The following GBP1 variants were observed in gnomAD, a reference collection of about 807,000 sequenced individuals.
The protein encoded by GBP1 is guanylate binding protein 1.
Under a neutral mutation model 69.5 loss-of-function variants are expected in GBP1, and 64 were observed. The ratio of observed to expected loss-of-function variants is 0.92; its 90% CI spans 0.75 to 1.13. GBP1 has a LOEUF of 1.13. Ranked by LOEUF, GBP1 falls within the 50% of genes most tolerant of loss-of-function variation. The probability of loss-of-function intolerance (pLI) is 0.00; values close to 1 mark genes in which losing one functional copy is unlikely to be tolerated. For synonymous variants in GBP1, 250 were observed against 261.2 expected, an observed-to-expected ratio of 0.96 and a Z score of 0.41; for missense variants, 630 against 704.1, an observed-to-expected ratio of 0.89 and a Z score of 1.19.
At chr1:89,059,543 T>C (rs1038027966) in intron 3 of GBP1, 117 bp from the exon 4 acceptor site, 227 of 1,042,962 alleles carry the variant, frequency 2.2e-4, no homozygotes, top group Non-Finnish European at 2.5e-4. Flanking sequence ...TTTCTTTTTT[T>C]TTTTTTTTTT....
intron 1 of GBP1, 146 bp downstream of exon 1, chr1:89,065,014 G>T (rs1680300002): frequency 6.6e-6 from 1 of 152,130 alleles, no homozygotes; most frequent in Admixed American, 6.5e-5. Context: ...AGCCTAATTT[G>T]GTTCTGATGA....
rs1199835999 is a variant in GBP1, at chr1:89,053,527, T to C, written c.1666-59A>G. 2.5e-6 allele frequency: 4 copies of C among 1,571,072 alleles called. No individual in the cohort carries two copies. In the African/African-American group the frequency reaches 5.5e-5, roughly 22 times the overall value. On this transcript the variant is annotated intron_variant, in intron 10 of 10. Coordinates refer to ENST00000370473, the MANE Select transcript of GBP1 (RefSeq NM_002053.3). ...TAGCATCAGGCAAATTGAAACATTCTATCTGGTTTCCACATTAAATGATTT... is the reference window on the plus strand; with the variant it reads ...TAGCATCAGGCAAATTGAAACATTCCATCTGGTTTCCACATTAAATGATTT...
Position 89,056,023 on chromosome 1 carries a change from C to A in GBP1, c.1361G>T (p.Gly454Val), listed in dbSNP as rs1680034430. The change falls in exon 8 of 11, where the codon GGG (glycine) becomes GTG (valine). Residue 454 changes from glycine to valine, a missense_variant. This residue lies in a region of GBP1 where 367 missense variants were observed against 369.5 expected (regional missense o/e 0.99). Transcript: ENST00000370473. ...CAGATAAATCTTGGTTACCTGTATC[C>A]CCTTCCTCGGTTCCTCATAGTACTT... is the stretch of plus-strand genomic sequence containing the variant. ...KKKYYEEPRK[G>V]IQAEEILQTY... 1.2e-6 allele frequency: 2 copies of A among 1,613,886 alleles called. No individual in the cohort carries two copies. The highest frequency in any genetic ancestry group is 2.7e-5 in the African/African-American group (2 of 75,004).
At chr1:89,056,636 A>G (rs1311829024) in intron 7 of GBP1, among the ~76,000 whole-genome samples, 1 of 152,206 alleles carries the variant, frequency 6.6e-6, no homozygotes, top group African/African-American at 2.4e-5. Context: ...AGTTGTATGC[A>G]TAAGTAAAGG....
At position 89,056,139 on chromosome 1, in the gene GBP1, G is replaced by T. The variant is rs1680037966; in HGVS notation, c.1245C>A (p.Phe415Leu). 6.2e-7 allele frequency: 1 copy of T among 1,613,834 alleles called. No individual in the cohort carries two copies. Among genetic ancestry groups the T allele is most frequent in the South Asian group, 1.1e-5 (1 of 91,082 alleles). Reference protein sequence around the residue: ...DRCSALLQVIFSPLEEEVKAG... With the variant: ...DRCSALLQVILSPLEEEVKAG... ...CCTTCACTTCTTCTTCTAGAGGACT[G>T]AAAATGACCTGAAGTAAAGCTGAGC... The change falls in exon 8 of 11, where the codon TTC (phenylalanine) becomes TTA (leucine). Residue 415 changes from phenylalanine (F) to leucine (L), a missense_variant. By Grantham distance (22) the Phe-to-Leu change is conservative. Around this residue, in one of 5 missense-constraint regions of GBP1, gnomAD observed 367 missense variants for 369.5 expected, o/e 0.99. Transcript: ENST00000370473.
chr1:89,062,915 C>A lies in GBP1; in HGVS notation c.190+130G>T, dbSNP rs1356798676. 3.7e-6 allele frequency: 4 copies of A among 1,092,244 alleles called. No individual in the cohort carries two copies. In the African/African-American group the frequency reaches 6.2e-5, roughly 17 times the overall value. The allele number at this position is 1,092,244 out of a possible 1,614,324, so 67.7% of individuals were successfully genotyped here. On this transcript the variant is annotated intron_variant, in intron 2 of 10. Transcript: ENST00000370473. ...CCTAGAACAGCGTGAAGATAAGGAG[C>A]CCGACTGTGAATGGAAAGTTAGCTT... is the stretch of plus-strand genomic sequence containing the variant.
rs750533336 is a variant in GBP1 at position 89,058,143 on chromosome 1, G to A, written c.723C>T (p.Pro241=). The A allele has an allele frequency of 2.0e-5, 33 of 1,613,888 alleles. No individual in the cohort carries two copies. The highest frequency in any genetic ancestry group is 2.6e-5 in the Non-Finnish European group (31 of 1,179,954). ...GCTGGGCAAGCTTCCTGCGGTGAAC[G>A]GGCCGATCAAAGACAAAGCATTTTT... The part of the protein sequence containing the change: ...PKKKCFVFDR[P]VHRRKLAQLE... Residue 241 remains proline (P), a synonymous_variant, in exon 6 of 11, where the codon CCC becomes CCT. Transcript: ENST00000370473.
At chr1:89,056,390 T>G (rs1680046621) in intron 7 of GBP1, among the ~76,000 whole-genome samples, 162 bp from the exon 8 acceptor site, 1 of 152,230 alleles carries the variant, frequency 6.6e-6, no homozygotes, top group Admixed American at 6.5e-5. Context: ...CACTTTCTGC[T>G]GAAGTCGCTT....
Position 89,062,272 on chromosome 1 carries a change from T to C in GBP1, c.190+773A>G, listed in dbSNP as rs533669437. Among the ~76,000 whole-genome samples the C allele has an allele frequency of 2.0e-5, 3 of 152,336 alleles. No homozygotes were observed. The South Asian group carries it at 6.2e-4, about 32-fold the overall frequency. On this transcript the variant is annotated intron_variant, in intron 2 of 10. Coordinates refer to ENST00000370473, the MANE Select transcript of GBP1 (RefSeq NM_002053.3). ...AAGGTGGAAGAAATCCAAGTGTCCATTGACAGATGAAGAGATAAACAAATT... is the reference window on the plus strand; with the variant it reads ...AAGGTGGAAGAAATCCAAGTGTCCACTGACAGATGAAGAGATAAACAAATT...
chr1:89,063,297 G>A, intron 1 of GBP1, 44 bp from the exon 2 acceptor site: 1 of 1,552,874 alleles, frequency 6.4e-7, no homozygotes, highest in South Asian at 1.2e-5. Flanking sequence ...CTAGTGTTTT[G>A]CAATTATAAG....
chr1:89,056,032 G>T lies in GBP1; in HGVS notation c.1352C>A (p.Pro451Gln). The T allele has an allele frequency of 6.2e-7, 1 of 1,613,800 alleles. No individual in the cohort carries two copies. Among genetic ancestry groups the T allele is most frequent in the South Asian group, 1.1e-5 (1 of 91,056 alleles). The stretch of plus-strand genomic sequence containing the variant: ...CTTGGTTACCTGTATCCCCTTCCTC[G>T]GTTCCTCATAGTACTTTTTCTTCAG... ...QDLKKKYYEE[P>Q]RKGIQAEEIL... Residue 451 changes from proline to glutamine, a missense_variant, in exon 8 of 11, where the codon CCG becomes CAG. Physicochemically the swap from Pro to Gln is moderately conservative, Grantham distance 76. This residue lies in a region of GBP1 where 367 missense variants were observed against 369.5 expected (regional missense o/e 0.99). Transcript: ENST00000370473.
intron 2 of GBP1, among the ~76,000 whole-genome samples, chr1:89,061,777 A>G (rs1680204463): frequency 1.3e-5 from 2 of 152,150 alleles, no homozygotes. Context: ...AGGGATTGAT[A>G]TCTAGAAAAT....
At chr1:89,055,299 C>T in intron 8 of GBP1, 84 bp from the exon 9 acceptor site, 1 of 1,585,790 alleles carries the variant, frequency 6.3e-7, no homozygotes, top group Admixed American at 1.9e-5. Flanking sequence ...ATCCTTTCTC[C>T]TCTGGGAATT....
rs1208751019 is a variant in GBP1 at position 89,062,996 on chromosome 1, G to C, written c.190+49C>G. 3.7e-6 allele frequency: 6 copies of C among 1,600,712 alleles called. No homozygotes were observed. The East Asian group carries it at 1.3e-4, about 36-fold the overall frequency. On this transcript the variant is annotated intron_variant, in intron 2 of 10. Transcript: ENST00000370473. ...CACATCTTCATAATGGAGGCTGACT[G>C]TGTAGATGGACAGAAGGGACTTGGC...
At position 89,056,205 on chromosome 1, in the gene GBP1, A is replaced by G. The variant is rs1471140816; in HGVS notation, c.1179T>C (p.Asp393=). The G allele has an allele frequency of 6.2e-7, 1 of 1,614,008 alleles. No individual in the cohort carries two copies. The highest frequency in any genetic ancestry group is 2.2e-5 in the East Asian group (1 of 44,886). The change falls in exon 8 of 11, where the codon GAT becomes GAC. Residue 393 remains aspartate, a synonymous_variant. Coordinates refer to ENST00000370473, the MANE Select transcript of GBP1 (RefSeq NM_002053.3). ...CTTCCTGATTCTGTTTACAAAAGTC[A>G]TCCCGCTTTTTTTCTAGCTGGGCCT... The part of the protein sequence containing the change: ...ELAAQLEKKR[D]DFCKQNQEAS...
chr1:89,055,925 G>A (rs1680030900), intron 8 of GBP1, 91 bp downstream of exon 8: 1 of 1,459,292 alleles, frequency 6.9e-7, no homozygotes, highest in East Asian at 2.3e-5. Flanking sequence ...AAACAAAAAA[G>A]CACATCTGTA....
Position 89,056,233 on chromosome 1 carries a change from A to G in GBP1, c.1156-5T>C, listed in dbSNP as rs768320878. ...CCGCTTTTTTTCTAGCTGGGCCTTTAATGTAAAAATAGGAAGTAAAAAGAG... is the reference window on the plus strand; with the variant it reads ...CCGCTTTTTTTCTAGCTGGGCCTTTGATGTAAAAATAGGAAGTAAAAAGAG... On this transcript the variant is annotated splice_polypyrimidine_tract_variant and splice_region_variant and intron_variant, in intron 7 of 10. Transcript: ENST00000370473. 11 of 1,613,794 alleles carry G rather than the reference A, an allele frequency of 6.8e-6. No homozygotes were observed. In the East Asian group the frequency reaches 1.3e-4, roughly 20 times the overall value.
In GBP1 at chr1:89,057,024, G is replaced by C; in HGVS notation, c.985C>G (p.Gln329Glu). ...LAQIENSAAVQKAIAHYEQQM... is the reference protein window; with the variant it reads ...LAQIENSAAVEKAIAHYEQQM... The stretch of plus-strand genomic sequence containing the variant: ...TGTTCATAGTGGGCAATAGCCTTTT[G>C]CACTGCAGCTGAGTTCTCTATCTGG... The change falls in exon 7 of 11, where the codon CAA (glutamine) becomes GAA (glutamate). Residue 329 changes from glutamine (Q) to glutamate (E), a missense_variant. Around this residue, in one of 5 missense-constraint regions of GBP1, gnomAD observed 367 missense variants for 369.5 expected, o/e 0.99. Transcript: ENST00000370473. The C allele has an allele frequency of 1.9e-6, 3 of 1,614,188 alleles. No homozygotes were observed. Among genetic ancestry groups the C allele is most frequent in the Non-Finnish European group, 2.5e-6 (3 of 1,180,034 alleles).
At chr1:89,061,674 T>G (rs1401997198) in intron 2 of GBP1, among the ~76,000 whole-genome samples, 7 of 152,108 alleles carry the variant, frequency 4.6e-5, no homozygotes, top group Non-Finnish European at 8.8e-5. Flanking sequence ...CAGCAAAATT[T>G]AAAACTTTTG....
Sources: gnomAD v4.1 joint callset for allele counts (sites outside exome capture counted in the v4.1 genomes callset) on GRCh38, gnomAD v4.1.1 for gene constraint, gnomAD v4.1.1 regional missense constraint, MANE v1.5 for transcripts, NCBI Gene and HGNC (gene_info 2026-07-23, HGNC 2026-07-21) for gene names.